The following VWA3B variants were observed in gnomAD, a reference collection of about 807,000 sequenced individuals.
VWA3B encodes von Willebrand factor A domain containing 3B.
VWA3B carries 138 observed loss-of-function variants against 158.3 expected under a neutral mutation model. The ratio of observed to expected loss-of-function variants is 0.87; its 90% confidence interval spans 0.76 to 1.00. VWA3B has a LOEUF of 1.00. VWA3B is among the 50% of genes least tolerant of loss of function. The pLI is 0.00. For synonymous variants in VWA3B, 596 were observed against 587.3 expected (o/e 1.01, Z -0.21); for missense variants, 1,555 against 1,565.1 (o/e 0.99, Z 0.11).
Position 98,312,632 on chromosome 2 carries a change from G to T in VWA3B, c.*283G>T. The T allele has an allele frequency of 2.8e-6, 1 of 358,696 alleles. No homozygotes were observed. Among genetic ancestry groups the T allele is most frequent in the Non-Finnish European group, 5.0e-6 (1 of 198,648 alleles). The allele number at this position is 358,696 out of a possible 1,614,324, so 22.2% of individuals were successfully genotyped here. ...TCTGGTAGACGCCCCACCCCCAGAA[G>T]TTTTAACCTGAAGGATGACTGTCAC... On this transcript the variant is annotated 3_prime_UTR_variant, in exon 28 of 28. Transcript: ENST00000477737.
intron 9 of VWA3B, among the ~76,000 whole-genome samples, chr2:98,186,751 T>A (rs1269146049): frequency 6.6e-6 from 1 of 152,100 alleles, no homozygotes; most frequent in Non-Finnish European, 1.5e-5. Context: ...GCTCTTTGCT[T>A]CTGCCCTTGG....
chr2:98,192,443 G>A (rs1681673252), intron 10 of VWA3B: 2 of 186,196 alleles, frequency 1.1e-5, no homozygotes, highest in Non-Finnish European at 2.2e-5. Flanking sequence ...TGCTCAGTAG[G>A]GGAGCTTTTG....
intron 23 of VWA3B, among the ~76,000 whole-genome samples, chr2:98,293,603 C>T (rs1318050135): frequency 6.6e-6 from 1 of 152,164 alleles, no homozygotes; most frequent in Non-Finnish European, 1.5e-5. Context: ...CACATTTTAT[C>T]ACATATATTA....
intron 8 of VWA3B, among the ~76,000 whole-genome samples, chr2:98,173,881 T>G (rs781036610): frequency 4.6e-4 from 70 of 151,948 alleles, no homozygotes; most frequent in Middle Eastern, 3.4e-3. Flanking sequence ...AAAGGAGAAT[T>G]GCTTGAACTC....
In VWA3B at chr2:98,311,541, G is replaced by C. The variant is rs1039149172; in HGVS notation, c.3522-278G>C. Reference sequence around the variant, plus strand: ...CTGAGGAGTTTCCAGGGGCTTTTGGGCTGGGAGTTGTTCCTTCACTGGCTT... The same window carrying C: ...CTGAGGAGTTTCCAGGGGCTTTTGGCCTGGGAGTTGTTCCTTCACTGGCTT... On this transcript the variant is annotated intron_variant, in intron 26 of 27. Transcript: ENST00000477737. Among the ~76,000 whole-genome samples, 4 of 152,296 alleles carry C rather than the reference G, an allele frequency of 2.6e-5. No homozygotes were observed. The East Asian group carries it at 5.8e-4, about 22-fold the overall frequency.
chr2:98,143,151 T>C (rs1676912393), intron 7 of VWA3B, among the ~76,000 whole-genome samples: 1 of 152,058 alleles, frequency 6.6e-6, no homozygotes, highest in African/African-American at 2.4e-5. Flanking sequence ...GTGATTCTCC[T>C]GCCTCAGTCT....
chr2:98,303,878 C>A, intron 26 of VWA3B, 76 bp downstream of exon 26: 2 of 1,385,776 alleles, frequency 1.4e-6, no homozygotes, highest in Non-Finnish European at 2.0e-6. Context: ...GAGATGAGAT[C>A]CATGACCTCT....
Position 98,128,504 on chromosome 2 carries a change from CTG to C in VWA3B, c.872+98_872+99del, listed in dbSNP as rs1466144231. ...TGCATTCTTCGTGGCTTTAACCAAT[CTG>C]TTGCTGTGTTCTCCTCTTTCCAGTA... On this transcript the variant is annotated intron_variant, in intron 6 of 27. Coordinates refer to ENST00000477737, the MANE Select transcript of VWA3B (RefSeq NM_144992.5). 4.6e-6 allele frequency: 6 copies of C among 1,292,812 alleles called. No homozygotes were observed. The African/African-American group carries it at 7.3e-5, about 16-fold the overall frequency. 80.1% of individuals were successfully genotyped at this position (1,292,812 alleles called of 1,614,324 possible).
intron 21 of VWA3B, among the ~76,000 whole-genome samples, chr2:98,256,443 G>A (rs1053520804): frequency 6.6e-6 from 1 of 152,022 alleles, no homozygotes; most frequent in Non-Finnish European, 1.5e-5. Context: ...CTCTGGATAT[G>A]TCATATGAAG....
rs780540696 is a variant in VWA3B at position 98,234,717 on chromosome 2, A to AGGAT, written c.2381_2384dup (p.Leu796TrpfsTer14). 6.2e-7 allele frequency: 1 copy of AGGAT among 1,614,230 alleles called. No homozygotes were observed. The highest frequency in any genetic ancestry group is 2.2e-5 in the East Asian group (1 of 44,892). On this transcript the variant is annotated frameshift_variant, in exon 17 of 28. Coordinates refer to ENST00000477737, the MANE Select transcript of VWA3B (RefSeq NM_144992.5). LOFTEE classifies it high-confidence loss of function. ...AGGAGCTCAGCTTGCAGTGAAAGGA[A>AGGAT]GGATGGCCTCTCCAATGCCAGCAGC...
At chr2:98,308,186 G>A (rs1690645082) in intron 26 of VWA3B, among the ~76,000 whole-genome samples, 1 of 152,176 alleles carries the variant, frequency 6.6e-6, no homozygotes, top group Non-Finnish European at 1.5e-5. Flanking sequence ...TCAAGGAGGG[G>A]ATGCTGGTAT....
intron 10 of VWA3B, among the ~76,000 whole-genome samples, chr2:98,191,697 C>T (rs1681588974): frequency 6.6e-6 from 1 of 152,186 alleles, no homozygotes; most frequent in East Asian, 1.9e-4. Flanking sequence ...GATCAGCCTA[C>T]TCCTTTGGTG....
At chr2:98,316,758 G>T (rs190076077), downstream of VWA3B, among the ~76,000 whole-genome samples, 7 of 152,040 alleles carry the variant, frequency 4.6e-5, no homozygotes, top group African/African-American at 1.7e-4. Flanking sequence ...CATCCCTCCT[G>T]GGTACTGTAT....
chr2:98,144,960 G>T (rs1677065875), intron 7 of VWA3B, among the ~76,000 whole-genome samples: 1 of 152,212 alleles, frequency 6.6e-6, no homozygotes, highest in African/African-American at 2.4e-5. Flanking sequence ...CCCTTGAGTG[G>T]CTCAGGAGCT....
At chr2:98,282,789 A>C (rs1399336370) in intron 22 of VWA3B, among the ~76,000 whole-genome samples, 1 of 152,184 alleles carries the variant, frequency 6.6e-6, no homozygotes, top group Non-Finnish European at 1.5e-5. Flanking sequence ...TGTCCTTTCC[A>C]GTGAACTTAC....
intron 8 of VWA3B, 25 bp from the exon 9 acceptor site, chr2:98,180,991 T>C: frequency 6.2e-7 from 1 of 1,611,638 alleles, no homozygotes; most frequent in Non-Finnish European, 8.5e-7. Context: ...GCAGTATGAA[T>C]GGCTGACAAG....
the VWA3B span, among the ~76,000 whole-genome samples, chr2:98,327,886 T>C: frequency 2.0e-5 from 3 of 152,314 alleles, no homozygotes; most frequent in East Asian, 3.9e-4. Flanking sequence ...CGAAACCTCA[T>C]CCGACAGCTG....
In VWA3B at chr2:98,230,049, G is replaced by A. The variant is rs1685223280; in HGVS notation, c.2151-1G>A. On this transcript the variant is annotated splice_acceptor_variant, in intron 15 of 27. Coordinates refer to ENST00000477737, the MANE Select transcript of VWA3B (RefSeq NM_144992.5). LOFTEE classifies it high-confidence loss of function. ...TCGACTTTTTATCTAAATCAAAACA[G>A]GCATCAAAAGGAAATCTGTTCTATG... 1.9e-6 allele frequency: 3 copies of A among 1,561,742 alleles called. No individual in the cohort carries two copies. The African/African-American group carries it at 4.2e-5, about 22-fold the overall frequency.
intron 21 of VWA3B, among the ~76,000 whole-genome samples, chr2:98,267,397 G>A (rs534581898): frequency 4.6e-5 from 7 of 152,022 alleles, no homozygotes; most frequent in Non-Finnish European, 8.8e-5. Context: ...ACTCAAAACC[G>A]CTCAACTACA....
Sources: gnomAD v4.1 joint callset for allele counts (sites outside exome capture counted in the v4.1 genomes callset) on GRCh38, gnomAD v4.1.1 for gene constraint, MANE v1.5 for transcripts, NCBI Gene and HGNC (gene_info 2026-07-23, HGNC 2026-07-21) for gene names.